The following MIPEP variants were observed in gnomAD, a reference collection of about 807,000 sequenced individuals.
MIPEP encodes the protein mitochondrial intermediate peptidase.
Under a neutral mutation model 90.3 loss-of-function variants are expected in MIPEP, and 79 were observed. The observed-to-expected ratio is 0.87, with a 90% CI of 0.73 to 1.05. The LOEUF (loss-of-function observed/expected upper bound fraction) is 1.05, where lower values mean the gene tolerates loss of function less well. Among genes scored for constraint, MIPEP ranks in the 50% least tolerant of loss-of-function variants. MIPEP has a pLI of 0.00. For missense variants in MIPEP, 940 were observed against 905.6 expected (o/e 1.04, Z -0.49); for synonymous variants, 334 against 315.8 (o/e 1.06, Z -0.61).
At chr13:23,832,464 C>T (rs1455732158) in intron 14 of MIPEP, among the ~76,000 whole-genome samples, 1 of 151,974 alleles carries the variant, frequency 6.6e-6, no homozygotes, top group Non-Finnish European at 1.5e-5. Context: ...ACAAGGGGAT[C>T]CCACTTTCAG....
intron 18 of MIPEP, among the ~76,000 whole-genome samples, chr13:23,754,680 G>T (rs1952473495): frequency 6.6e-6 from 1 of 152,120 alleles, no homozygotes; most frequent in South Asian, 2.1e-4. Flanking sequence ...TCTCCTATCA[G>T]CAAATGTTGA....
At chr13:23,797,102 T>G (rs1327464496) in intron 16 of MIPEP, among the ~76,000 whole-genome samples, 1 of 152,220 alleles carries the variant, frequency 6.6e-6, no homozygotes, top group Non-Finnish European at 1.5e-5. Flanking sequence ...TTGCTGGTAC[T>G]TGAGAAAAGG....
intron 18 of MIPEP, among the ~76,000 whole-genome samples, chr13:23,744,038 C>G (rs537856722): frequency 6.6e-6 from 1 of 152,212 alleles, no homozygotes; most frequent in African/African-American, 2.4e-5. Context: ...ACTCTGATTC[C>G]GTAACATGCT....
intron 16 of MIPEP, among the ~76,000 whole-genome samples, chr13:23,803,763 G>C (rs1953075280): frequency 6.6e-6 from 1 of 152,174 alleles, no homozygotes. Flanking sequence ...AATGTTATAG[G>C]CTTGATGAAT....
In MIPEP at chr13:23,814,023, GAAT is replaced by G. The variant is rs1338049773; in HGVS notation, c.1654-4102_1654-4100del. ...AATGCATTTAAAACATCTAAGCCTT[GAAT>G]AATATTATAATTATGTTCATTATAT... On this transcript the variant is annotated intron_variant, in intron 14 of 18. Coordinates refer to ENST00000382172, the MANE Select transcript of MIPEP (RefSeq NM_005932.4). 5.3e-5 allele frequency among the ~76,000 whole-genome samples: 8 copies of G among 152,106 alleles called. No individual in the cohort carries two copies. The East Asian group carries it at 5.8e-4, about 11-fold the overall frequency.
chr13:23,774,151 C>T (rs1336833699), intron 16 of MIPEP, among the ~76,000 whole-genome samples: 1 of 152,036 alleles, frequency 6.6e-6, no homozygotes, highest in African/African-American at 2.4e-5. Context: ...ATGTGGAGAT[C>T]CAGTTTTCCC....
At chr13:23,812,192 C>T (rs375578248) in intron 14 of MIPEP, among the ~76,000 whole-genome samples, 2 of 65,334 alleles carry the variant, frequency 3.1e-5, no homozygotes, top group Non-Finnish European at 6.2e-5. Context: ...CTAACTGTAA[C>T]GCGTGCAGGG....
At chr13:23,761,764 A>C (rs981476840) in intron 16 of MIPEP, among the ~76,000 whole-genome samples, 2 of 152,210 alleles carry the variant, frequency 1.3e-5, no homozygotes, top group Non-Finnish European at 2.9e-5. Flanking sequence ...ACTTTTCTGA[A>C]ACAAATCTGA....
chr13:23,797,436 G>A (rs1952975201), intron 16 of MIPEP, among the ~76,000 whole-genome samples: 1 of 152,056 alleles, frequency 6.6e-6, no homozygotes, highest in African/African-American at 2.4e-5. Context: ...CACCCCTCCT[G>A]TACTCTGTTT....
At chr13:23,739,946 C>T (rs948985641) in intron 18 of MIPEP, among the ~76,000 whole-genome samples, 3 of 152,228 alleles carry the variant, frequency 2.0e-5, no homozygotes, top group African/African-American at 4.8e-5. Context: ...ACTGTTCATA[C>T]AGCACCAAGG....
At chr13:23,805,314 A>C (rs1301365533) in intron 16 of MIPEP, among the ~76,000 whole-genome samples, 1 of 152,176 alleles carries the variant, frequency 6.6e-6, no homozygotes, top group East Asian at 1.9e-4. Flanking sequence ...GAACCCCCAT[A>C]CAATCACTTA....
chr13:23,832,002 T>C (rs554023618), intron 14 of MIPEP, among the ~76,000 whole-genome samples: 1 of 152,302 alleles, frequency 6.6e-6, no homozygotes, highest in African/African-American at 2.4e-5. Flanking sequence ...ACTATGCCAC[T>C]GCTATAGCTT....
intron 16 of MIPEP, among the ~76,000 whole-genome samples, chr13:23,786,413 T>C (rs1180335281): frequency 1.3e-5 from 2 of 152,150 alleles, no homozygotes; most frequent in Non-Finnish European, 2.9e-5. Context: ...AAAAGTCTAA[T>C]AGATTTAATT....
intron 14 of MIPEP, among the ~76,000 whole-genome samples, chr13:23,810,483 C>T (rs1172951059): frequency 6.6e-6 from 1 of 152,178 alleles, no homozygotes. Flanking sequence ...TGATTTAAGG[C>T]TTTCTTTTTG....
intron 16 of MIPEP, among the ~76,000 whole-genome samples, chr13:23,772,434 A>G (rs1001820146): frequency 6.6e-6 from 1 of 152,218 alleles, no homozygotes; most frequent in African/African-American, 2.4e-5. Flanking sequence ...AAAATATTCA[A>G]TACCATTAGT....
chr13:23,759,577 T>C (rs1023053216), intron 17 of MIPEP, among the ~76,000 whole-genome samples: 1 of 151,640 alleles, frequency 6.6e-6, no homozygotes, highest in African/African-American at 2.4e-5. Context: ...AAGCAAGGGA[T>C]CTCCTGTACC....
At chr13:23,770,825 C>A (rs1952641576) in intron 16 of MIPEP, among the ~76,000 whole-genome samples, 1 of 152,222 alleles carries the variant, frequency 6.6e-6, no homozygotes, top group South Asian at 2.1e-4. Flanking sequence ...CCTTTACAGT[C>A]TTCATAGAGA....
chr13:23,827,418 A>T (rs1275717986), intron 14 of MIPEP, among the ~76,000 whole-genome samples: 2 of 152,178 alleles, frequency 1.3e-5, no homozygotes, highest in Admixed American at 6.5e-5. Flanking sequence ...ACTAGTAAGG[A>T]TTCAGTCATT....
At chr13:23,888,714 A>T (rs1447148165) in intron 1 of MIPEP, 1 of 1,004,174 alleles carries the variant, frequency 1.0e-6, no homozygotes, top group African/African-American at 1.7e-5. Flanking sequence ...CCTTGCAAAA[A>T]GACCATGTGA....
Sources: gnomAD v4.1 joint callset for allele counts (sites outside exome capture counted in the v4.1 genomes callset) on GRCh38, gnomAD v4.1.1 for gene constraint, MANE v1.5 for transcripts, NCBI Gene and HGNC (gene_info 2026-07-23, HGNC 2026-07-21) for gene names.